UBE2E2: variants seen among roughly 807,000 people sequenced by gnomAD.
UBE2E2 encodes the protein ubiquitin conjugating enzyme E2 E2.
UBE2E2 carries 6 observed loss-of-function variants against 24.7 expected under a neutral mutation model. That is an observed-to-expected ratio of 0.24 (90% confidence interval 0.13 to 0.48). UBE2E2 has a LOEUF of 0.48. UBE2E2 is among the 20% of genes least tolerant of loss of function. The pLI is 0.99. For missense variants in UBE2E2, 169 were observed against 245.0 expected (o/e 0.69, Z 2.07); for synonymous variants, 104 against 83.6 (o/e 1.24, Z -1.33).
intron 3 of UBE2E2, among the ~76,000 whole-genome samples, chr3:23,433,346 A>G (rs934580910): frequency 4.6e-5 from 7 of 152,056 alleles, no homozygotes; most frequent in Admixed American, 1.3e-4. Flanking sequence ...ATTAAATCCT[A>G]TTGTATGTAA....
At chr3:23,518,077 T>G (rs1694783361) in intron 4 of UBE2E2, among the ~76,000 whole-genome samples, 1 of 152,142 alleles carries the variant, frequency 6.6e-6, no homozygotes, top group Non-Finnish European at 1.5e-5. Context: ...TACACAGCTT[T>G]AAGGAAAATT....
chr3:23,439,210 G>T (rs1320810324), intron 3 of UBE2E2, among the ~76,000 whole-genome samples: 1 of 152,172 alleles, frequency 6.6e-6, no homozygotes, highest in Non-Finnish European at 1.5e-5. Context: ...GTGTACAGGG[G>T]AAGGCTAACC....
intron 3 of UBE2E2, among the ~76,000 whole-genome samples, chr3:23,464,112 C>T (rs765186622): frequency 2.6e-5 from 4 of 151,942 alleles, no homozygotes; most frequent in Non-Finnish European, 4.4e-5. Flanking sequence ...CTGGTAACAG[C>T]GCAAATTAAT....
chr3:23,287,157 CA>C (rs1698637364), intron 3 of UBE2E2, among the ~76,000 whole-genome samples: 1 of 152,030 alleles, frequency 6.6e-6, no homozygotes, highest in African/African-American at 2.4e-5. Flanking sequence ...TGAATTTTAT[CA>C]AATGCTTTTT....
intron 5 of UBE2E2, among the ~76,000 whole-genome samples, chr3:23,588,451 C>T (rs1395512989): frequency 1.4e-5 from 2 of 140,324 alleles, no homozygotes; most frequent in African/African-American, 2.7e-5. Flanking sequence ...GGGTCTCACT[C>T]TGTCACCCAG....
intron 3 of UBE2E2, among the ~76,000 whole-genome samples, chr3:23,229,619 C>T (rs1427763056): frequency 6.6e-6 from 1 of 152,190 alleles, no homozygotes; most frequent in Admixed American, 6.5e-5. Context: ...AGGATTTCAA[C>T]CTTGTTTCTG....
intron 2 of UBE2E2, among the ~76,000 whole-genome samples, chr3:23,212,701 C>A (rs944681159): frequency 1.3e-5 from 2 of 152,044 alleles, no homozygotes; most frequent in African/African-American, 4.8e-5. Context: ...TTGTTTTCCA[C>A]ATGAGAATGA....
At chr3:23,317,290 C>T (rs1348201285) in intron 3 of UBE2E2, among the ~76,000 whole-genome samples, 1 of 152,206 alleles carries the variant, frequency 6.6e-6, no homozygotes, top group African/African-American at 2.4e-5. Flanking sequence ...TCCCCTGTGG[C>T]TAGTGCTGGT....
chr3:23,472,609 G>A (rs1192784820), intron 3 of UBE2E2, among the ~76,000 whole-genome samples: 2 of 150,464 alleles, frequency 1.3e-5, no homozygotes, highest in Admixed American at 6.6e-5. Context: ...TTTAGACCTA[G>A]CAGATTAAAT....
intron 4 of UBE2E2, among the ~76,000 whole-genome samples, chr3:23,525,346 A>G (rs927158674): frequency 6.6e-6 from 1 of 152,212 alleles, no homozygotes; most frequent in Non-Finnish European, 1.5e-5. Flanking sequence ...CATCTACTGC[A>G]CATGTGTACC....
chr3:23,442,226 A>G (rs931547179), intron 3 of UBE2E2, among the ~76,000 whole-genome samples: 3 of 152,120 alleles, frequency 2.0e-5, no homozygotes, highest in African/African-American at 7.2e-5. Flanking sequence ...TGATCCTTTT[A>G]TTTACACCAA....
At chr3:23,569,330 GC>G (rs1413411663) in intron 5 of UBE2E2, among the ~76,000 whole-genome samples, 6 of 152,294 alleles carry the variant, frequency 3.9e-5, no homozygotes, top group Non-Finnish European at 8.8e-5. Flanking sequence ...TGGTGGATTT[GC>G]CAGCGGGGAG....
chr3:23,512,971 C>T (rs975701627), intron 4 of UBE2E2, among the ~76,000 whole-genome samples: 1 of 152,060 alleles, frequency 6.6e-6, no homozygotes, highest in Non-Finnish European at 1.5e-5. Context: ...CTTAAAATAT[C>T]TGTACATGTA....
intron 3 of UBE2E2, among the ~76,000 whole-genome samples, chr3:23,288,609 C>T (rs1187207976): frequency 1.3e-5 from 2 of 152,134 alleles, no homozygotes; most frequent in African/African-American, 4.8e-5. Context: ...TTTGGCTGCA[C>T]ATATATTTAT....
chr3:23,429,357 T>A (rs1698001738), intron 3 of UBE2E2, among the ~76,000 whole-genome samples: 1 of 152,092 alleles, frequency 6.6e-6, no homozygotes, highest in Admixed American at 6.5e-5. Flanking sequence ...CACCAAAAAA[T>A]TTCATATAAT....
chr3:23,450,915 T>C (rs1698548660), intron 3 of UBE2E2, among the ~76,000 whole-genome samples: 1 of 152,192 alleles, frequency 6.6e-6, no homozygotes, highest in Non-Finnish European at 1.5e-5. Flanking sequence ...AGTAGGTGGG[T>C]TACTGAAATT....
intron 3 of UBE2E2, among the ~76,000 whole-genome samples, chr3:23,446,804 C>G (rs1698443322): frequency 6.8e-6 from 1 of 146,964 alleles, no homozygotes; most frequent in Non-Finnish European, 1.5e-5. Context: ...TAGTGCTCTT[C>G]TCTGTAGTTC....
At position 23,284,962 on chromosome 3, in the gene UBE2E2, A is replaced by ATAT. The variant is rs1202705778; in HGVS notation, c.227+67650_227+67651insTAT. On this transcript the variant is annotated intron_variant, in intron 3 of 5. Transcript: ENST00000396703. ...TCTATAGCTTCTTGTTGGAAAAAAA[A>ATAT]ATATATATATATATATTTATATATT... is the stretch of plus-strand genomic sequence containing the variant. Among the ~76,000 whole-genome samples the ATAT allele has an allele frequency of 6.6e-4, 94 of 141,572 alleles. 1 individual carries two copies. The highest frequency in any genetic ancestry group is 2.2e-3 in the African/African-American group (79 of 36,218). 92.9% of individuals were successfully genotyped at this position (141,572 alleles called of 152,430 possible).
At chr3:23,313,899 G>C (rs966808266) in intron 3 of UBE2E2, among the ~76,000 whole-genome samples, 2 of 151,822 alleles carry the variant, frequency 1.3e-5, no homozygotes, top group Non-Finnish European at 2.9e-5. Flanking sequence ...TTAATTTCTT[G>C]CTTTTAGTTT....
Sources: allele counts gnomAD v4.1 joint callset (sites outside exome capture counted in the v4.1 genomes callset), GRCh38; gene constraint gnomAD v4.1.1; transcripts MANE v1.5; gene names NCBI Gene and HGNC (gene_info 2026-07-23, HGNC 2026-07-21).